The following TENM2 variants were observed in gnomAD, a reference collection of about 807,000 sequenced individuals.
TENM2 encodes teneurin-2.
In TENM2, 52 loss-of-function variants were observed where a neutral mutation model predicts 245.2. The ratio of observed to expected loss-of-function variants is 0.21; its 90% CI spans 0.17 to 0.27. TENM2 has a LOEUF of 0.27. TENM2 is among the 10% of genes least tolerant of loss of function. The probability of loss-of-function intolerance (pLI) is 1.00; values close to 1 mark genes in which losing one functional copy is unlikely to be tolerated. For synonymous variants in TENM2, 1,363 were observed against 1,438.9 expected (o/e 0.95, Z 1.19); for missense variants, 3,046 against 3,666.8 (o/e 0.83, Z 4.37).
At chr5:168,165,441 G>T (rs1758134724) in intron 13 of TENM2, among the ~76,000 whole-genome samples, 1 of 152,016 alleles carries the variant, frequency 6.6e-6, no homozygotes, top group African/African-American at 2.4e-5. Context: ...TGGCTGGAAT[G>T]CCACACAGAG....
upstream of TENM2, among the ~76,000 whole-genome samples, chr5:167,280,787 T>TATC: frequency 6.6e-6 from 1 of 151,726 alleles, no homozygotes; most frequent in Non-Finnish European, 1.5e-5. Context: ...TCTATCTATC[T>TATC]ATCTATCTAT....
chr5:168,158,156 CA>C (rs1389956006), intron 12 of TENM2, among the ~76,000 whole-genome samples: 1 of 152,186 alleles, frequency 6.6e-6, no homozygotes, highest in African/African-American at 2.4e-5. Context: ...CTCCGGACTT[CA>C]GGTGATCCAC....
At chr5:167,669,085 C>T (rs914208192) in intron 2 of TENM2, among the ~76,000 whole-genome samples, 13 of 152,232 alleles carry the variant, frequency 8.5e-5, no homozygotes, top group Middle Eastern at 3.4e-3. Context: ...ATTTCCAAAA[C>T]GAACTTTAAA....
intron 2 of TENM2, among the ~76,000 whole-genome samples, chr5:167,600,377 T>TA (rs1776557654): frequency 6.6e-6 from 1 of 152,120 alleles, no homozygotes; most frequent in African/African-American, 2.4e-5. Context: ...CTTTTCTATA[T>TA]AAAAAATAAT....
chr5:167,804,669 G>T (rs1486866498), intron 2 of TENM2, among the ~76,000 whole-genome samples: 1 of 152,028 alleles, frequency 6.6e-6, no homozygotes, highest in Admixed American at 6.6e-5. Context: ...CAAGGCCAGG[G>T]ATCAAACCAA....
intron 1 of TENM2, among the ~76,000 whole-genome samples, chr5:167,346,989 G>A (rs1758499433): frequency 1.3e-5 from 2 of 151,818 alleles, no homozygotes; most frequent in South Asian, 4.2e-4. Flanking sequence ...GCCCAGGCTG[G>A]TCTTAAACTC....
chr5:168,244,530 C>T lies in TENM2; in HGVS notation c.5631C>T (p.Gly1877=). Residue 1877 remains glycine, a synonymous_variant, in exon 26 of 29, where the codon GGC becomes GGT. Coordinates refer to ENST00000518659, the Ensembl canonical transcript of TENM2. The surrounding 1 kb of genome is among the most constrained non-coding windows in gnomAD (Gnocchi z 4.9). ...TGAGGATCATTTATGACCAGGTGGGCCGCCCCTTCCTCTGGCTGCCCAGCA... is the reference window on the plus strand; with the variant it reads ...TGAGGATCATTTATGACCAGGTGGGTCGCCCCTTCCTCTGGCTGCCCAGCA... 1 of 1,612,400 alleles carries T rather than the reference C, an allele frequency of 6.2e-7. No homozygotes were observed. Among genetic ancestry groups the T allele is most frequent in the Non-Finnish European group, 8.5e-7 (1 of 1,179,016 alleles).
chr5:168,205,306 C>A (rs559164347), intron 19 of TENM2, among the ~76,000 whole-genome samples: 344 of 150,744 alleles, frequency 2.3e-3, no homozygotes, highest in African/African-American at 8.2e-3. Flanking sequence ...GTCCCAGGAG[C>A]TTTCTGGCTA....
chr5:167,684,176 AC>A (rs1223415707), intron 2 of TENM2, among the ~76,000 whole-genome samples: 1 of 152,160 alleles, frequency 6.6e-6, no homozygotes, highest in Non-Finnish European at 1.5e-5. Context: ...GGTCTCTAAT[AC>A]CCACTGGGTG....
the TENM2 span, among the ~76,000 whole-genome samples, chr5:167,103,214 T>C: frequency 6.6e-6 from 1 of 152,200 alleles, no homozygotes; most frequent in Non-Finnish European, 1.5e-5. Flanking sequence ...ATTTTAAAAT[T>C]ATCTTTTAAA....
At chr5:167,463,569 G>A (rs987166450) in intron 2 of TENM2, among the ~76,000 whole-genome samples, 1 of 151,730 alleles carries the variant, frequency 6.6e-6, no homozygotes, top group Admixed American at 6.6e-5. Flanking sequence ...TGCAATCTTG[G>A]CTCAGTGCAA....
chr5:167,804,191 A>G (rs1314356563), intron 2 of TENM2, among the ~76,000 whole-genome samples: 1 of 152,092 alleles, frequency 6.6e-6, no homozygotes, highest in Non-Finnish European at 1.5e-5. Context: ...TTGAACACCA[A>G]GAAAGCATGT....
At chr5:167,980,362 G>A (rs757402460) in intron 4 of TENM2, among the ~76,000 whole-genome samples, 3 of 152,190 alleles carry the variant, frequency 2.0e-5, no homozygotes, top group Non-Finnish European at 4.4e-5. Flanking sequence ...CCTTTCTGAG[G>A]AAGTGAGCTT....
At chr5:168,061,470 A>G (rs1790032218) in intron 6 of TENM2, among the ~76,000 whole-genome samples, 2 of 152,202 alleles carry the variant, frequency 1.3e-5, no homozygotes, top group African/African-American at 4.8e-5. Context: ...TTTCAACATA[A>G]GCAATTTTAA....
rs539624166 is a variant in TENM2, at chr5:167,756,475, T to G, written c.503-119511T>G. 7.9e-5 allele frequency among the ~76,000 whole-genome samples: 12 copies of G among 152,258 alleles called. No homozygotes were observed. The South Asian group carries it at 1.9e-3, about 24-fold the overall frequency. On this transcript the variant is annotated intron_variant, in intron 2 of 28. Transcript: ENST00000518659. ...CTGATAGGGTTTATAATACCTCTCATGAGTCCAGAGAAAACAAAGTGATGG... is the reference window on the plus strand; with the variant it reads ...CTGATAGGGTTTATAATACCTCTCAGGAGTCCAGAGAAAACAAAGTGATGG...
intron 2 of TENM2, among the ~76,000 whole-genome samples, chr5:167,581,211 G>A (rs547741623): frequency 6.6e-6 from 1 of 152,228 alleles, no homozygotes; most frequent in African/African-American, 2.4e-5. Flanking sequence ...TTCACAAGCT[G>A]TTTCTGTTTC....
chr5:168,262,189 T>C, exon 29 of TENM2: 7 of 1,611,736 alleles, frequency 4.3e-6, no homozygotes, highest in Non-Finnish European at 5.1e-6. Flanking sequence ...CGCCCATCAT[T>C]GGCAAAGGCA....
At chr5:168,257,576 G>A (rs1438181616) in intron 27 of TENM2, among the ~76,000 whole-genome samples, 1 of 152,014 alleles carries the variant, frequency 6.6e-6, no homozygotes, top group East Asian at 1.9e-4. Context: ...AGACCCTGGG[G>A]TGCTCTGAAC....
At chr5:167,843,704 A>G (rs958929727) in intron 2 of TENM2, among the ~76,000 whole-genome samples, 1 of 152,224 alleles carries the variant, frequency 6.6e-6, no homozygotes, top group African/African-American at 2.4e-5. Flanking sequence ...CAAGTACTTT[A>G]ATAGGCTCAG....
Sources: gnomAD v4.1 joint callset for allele counts (sites outside exome capture counted in the v4.1 genomes callset) on GRCh38, gnomAD v4.1.1 for gene constraint, Gnocchi (gnomAD v3.1) non-coding constraint, MANE v1.5 for transcripts, NCBI Gene and HGNC (gene_info 2026-07-23, HGNC 2026-07-21) for gene names.